OFD1: variants seen among roughly 807,000 people sequenced by gnomAD.
The protein encoded by OFD1 is centriole and centriolar satellite protein OFD1.
A neutral mutation model predicts 81.4 loss-of-function variants in OFD1; 12 were observed. That is an observed-to-expected ratio of 0.15 (90% CI 0.09 to 0.24). The LOEUF is 0.24. Ranked by LOEUF, OFD1 falls within the 10% of genes least tolerant of loss-of-function variation. The pLI is 1.00. For synonymous variants in OFD1, 256 were observed against 263.7 expected, an observed-to-expected ratio of 0.97 and a Z score of 0.28; for missense variants, 685 against 733.9, an observed-to-expected ratio of 0.93 and a Z score of 0.77.
intron 5 of OFD1, among the ~76,000 whole-genome samples, chrX:13,741,094 C>G (rs1279705892): frequency 1.8e-5 from 2 of 109,874 alleles, no homozygotes; most frequent in East Asian, 5.7e-4. Context: ...GAGCCAAGAT[C>G]ACGCCACTGC....
chrX:13,716,012 A>G, the OFD1 span: 2 of 1,187,574 alleles, frequency 1.7e-6, no homozygotes, highest in Non-Finnish European at 2.3e-6. Flanking sequence ...ACCTTTATAT[A>G]TAAATCATAA....
At chrX:13,773,056 G>A, downstream of OFD1, 1 of 1,193,757 alleles carries the variant, frequency 8.4e-7, no homozygotes, top group Non-Finnish European at 1.1e-6. Context: ...GAGCATGATG[G>A]CTAGTGAGCA....
chrX:13,752,937 T>C, intron 10 of OFD1: 1 of 907,042 alleles, frequency 1.1e-6, no homozygotes, highest in South Asian at 2.5e-5. Flanking sequence ...GCTTAGTCCC[T>C]GAGCACAAAA....
chrX:13,753,421 A>G lies in OFD1; in HGVS notation c.1109A>G (p.Glu370Gly). The change falls in exon 11 of 23, where the codon GAA becomes GGA. Residue 370 changes from glutamate to glycine, a missense_variant. Around this residue, in one of 3 missense-constraint regions of OFD1, gnomAD observed 414 missense variants for 447.2 expected, o/e 0.93. Transcript: ENST00000340096. ...DYIIRTNRLIEDERKNKEKAV... is the reference protein window; with the variant it reads ...DYIIRTNRLIGDERKNKEKAV... ...ATCATTAGAACTAATCGACTGATTGAAGATGAAAGGAAGAATAAAGGTGAT... is the reference window on the plus strand; with the variant it reads ...ATCATTAGAACTAATCGACTGATTGGAGATGAAAGGAAGAATAAAGGTGAT... 1 of 1,210,337 alleles carries G rather than the reference A, an allele frequency of 8.3e-7. No homozygotes were observed. The highest frequency in any genetic ancestry group is 1.1e-6 in the Non-Finnish European group (1 of 894,326).
chrX:13,757,592 G>A, intron 13 of OFD1, 68 bp from the exon 14 acceptor site: 1 of 1,113,891 alleles, frequency 9.0e-7, no homozygotes, highest in Non-Finnish European at 1.2e-6. Flanking sequence ...AACTGTTTTT[G>A]TTAAGTTAAA....
At chrX:13,747,001 G>A in intron 8 of OFD1, 48 bp downstream of exon 8, 1 of 1,125,068 alleles carries the variant, frequency 8.9e-7, no homozygotes, top group Non-Finnish European at 1.2e-6. Flanking sequence ...GCAGCTATTA[G>A]TAGGTTGGCT....
chrX:13,768,681 C>T (rs768293784), intron 21 of OFD1, 37 bp from the exon 22 acceptor site: 3 of 1,092,015 alleles, frequency 2.7e-6, no homozygotes, highest in Admixed American at 4.4e-5. Flanking sequence ...TAATGCATAT[C>T]TAATTTCAAA....
intron 15 of OFD1, among the ~76,000 whole-genome samples, chrX:13,759,642 A>G (rs12010229): frequency 0.023 from 2,530 of 112,131 alleles, 61 homozygotes; most frequent in African/African-American, 0.067. Flanking sequence ...CTCGGGCCAT[A>G]TGCTGTGGAT....
intron 17 of OFD1, among the ~76,000 whole-genome samples, chrX:13,761,601 A>G (rs2047932780): frequency 1.8e-5 from 2 of 112,641 alleles, no homozygotes; most frequent in Non-Finnish European, 3.7e-5. Flanking sequence ...CATCATTAAA[A>G]AGTCATTTTT....
At chrX:13,719,028 G>A in the OFD1 span, among the ~76,000 whole-genome samples, 3 of 110,564 alleles carry the variant, frequency 2.7e-5, no homozygotes, top group Middle Eastern at 4.7e-3. Flanking sequence ...ACAGTGGTGC[G>A]CACCTATAAT....
At chrX:13,771,734 A>C (rs182022757), downstream of OFD1, 2 of 112,603 alleles carry the variant, frequency 1.8e-5, no homozygotes, top group African/African-American at 6.4e-5. Flanking sequence ...GAACACAATA[A>C]TGTAAAAGGC....
downstream of OFD1, chrX:13,772,686 C>T: frequency 2.7e-6 from 1 of 363,964 alleles, no homozygotes; most frequent in East Asian, 4.1e-5. Flanking sequence ...CATGAAACCT[C>T]CAATATTTGT....
At chrX:13,734,595 A>G, upstream of OFD1, 2 of 697,749 alleles carry the variant, frequency 2.9e-6, no homozygotes, top group African/African-American at 2.2e-5. Context: ...CCGAACCTGT[A>G]GCCAGAACGC....
the OFD1 span, chrX:13,716,250 A>G: frequency 1.5e-6 from 1 of 647,744 alleles, no homozygotes; most frequent in Non-Finnish European, 2.3e-6. Flanking sequence ...TCATAAAGAG[A>G]ACATAAGCTT....
chrX:13,758,754 C>T (rs1260500317), intron 15 of OFD1, among the ~76,000 whole-genome samples: 2 of 110,909 alleles, frequency 1.8e-5, no homozygotes, highest in Non-Finnish European at 3.8e-5. Flanking sequence ...ATTTGTTACC[C>T]CAATGTTAAC....
intron 2 of OFD1, 109 bp downstream of exon 2, chrX:13,735,455 T>G (rs984812684): frequency 1.7e-6 from 1 of 576,052 alleles, no homozygotes; most frequent in Non-Finnish European, 3.0e-6. Context: ...ACATAGATTG[T>G]ATTGGTGAAT....
intron 6 of OFD1, 69 bp from the exon 7 acceptor site, chrX:13,746,250 C>T: frequency 8.9e-6 from 9 of 1,009,139 alleles, no homozygotes; most frequent in Non-Finnish European, 1.1e-5. Context: ...ACTTTTGAAC[C>T]AGAGGTCTGG....
chrX:13,760,737 A>G lies in OFD1; in HGVS notation c.2260+17A>G, dbSNP rs759069572. On this transcript the variant is annotated intron_variant, in intron 16 of 22. Transcript: ENST00000340096. The stretch of plus-strand genomic sequence containing the variant: ...ATCTGGAAGGTAAGCCACCCGCACA[A>G]AGGGTTGCGGGGTGCTCTGGAGTTG... The G allele has an allele frequency of 1.7e-6, 2 of 1,210,100 alleles. No individual in the cohort carries two copies. Among genetic ancestry groups the G allele is most frequent in the South Asian group, 1.8e-5 (1 of 56,710 alleles).
chrX:13,757,811 G>C (rs16979182), intron 14 of OFD1, 21 bp downstream of exon 14: 1 of 1,205,116 alleles, frequency 8.3e-7, no homozygotes, highest in African/African-American at 1.8e-5. Context: ...CTCTTCTTCA[G>C]TTCTAGTGTG....
Sources: allele counts gnomAD v4.1 joint callset (sites outside exome capture counted in the v4.1 genomes callset), GRCh38; gene constraint gnomAD v4.1.1; regional missense constraint gnomAD v4.1.1; transcripts MANE v1.5; gene names NCBI Gene and HGNC (gene_info 2026-07-23, HGNC 2026-07-21).